The following ABI1 variants were observed in gnomAD, a reference collection of about 807,000 sequenced individuals.
The protein encoded by ABI1 is abl interactor 1.
Under a neutral mutation model 54.6 loss-of-function variants are expected in ABI1, and 14 were observed. That is an observed-to-expected ratio of 0.26 (90% CI 0.17 to 0.40). The LOEUF (loss-of-function observed/expected upper bound fraction) is 0.40, where lower values mean the gene tolerates loss of function less well. Ranked by LOEUF, ABI1 falls within the 10% of genes least tolerant of loss-of-function variation. The probability of loss-of-function intolerance (pLI) is 1.00; values close to 1 mark genes in which losing one functional copy is unlikely to be tolerated. For synonymous variants in ABI1, 194 were observed against 209.3 expected, an observed-to-expected ratio of 0.93 and a Z score of 0.63; for missense variants, 443 against 598.3, an observed-to-expected ratio of 0.74 and a Z score of 2.71.
intron 2 of ABI1, among the ~76,000 whole-genome samples, chr10:26,812,201 C>T (rs868457081): frequency 1.8e-4 from 27 of 152,270 alleles, no homozygotes; most frequent in African/African-American, 6.3e-4. Flanking sequence ...CAAAAAGCCC[C>T]TTCTGCCAGA....
intron 1 of ABI1, among the ~76,000 whole-genome samples, chr10:26,840,053 C>A (rs932073952): frequency 3.9e-5 from 6 of 151,984 alleles, no homozygotes; most frequent in African/African-American, 1.5e-4. Context: ...AGCAAAAGTA[C>A]CTTGTCCTTC....
At chr10:26,823,377 C>A in intron 1 of ABI1, 72 bp from the exon 2 acceptor site, 2 of 1,159,344 alleles carry the variant, frequency 1.7e-6, no homozygotes, top group Non-Finnish European at 2.3e-6. Context: ...TATAGAAAGG[C>A]AAAGTTATAT....
chr10:26,853,529 CTTTT>C (rs535088026), intron 1 of ABI1, among the ~76,000 whole-genome samples: 26,862 of 130,286 alleles, frequency 0.21, 2,318 homozygotes, highest in African/African-American at 0.3. Context: ...TTTTACCTTA[CTTTT>C]TTTTTTTTTT....
At chr10:26,806,311 AAAGTG>A (rs2046873311) in intron 2 of ABI1, among the ~76,000 whole-genome samples, 1 of 152,244 alleles carries the variant, frequency 6.6e-6, no homozygotes, top group South Asian at 2.1e-4. Context: ...TTGGAAACTG[AAAGTG>A]AAGTGGAGAT....
chr10:26,777,255 T>G lies in ABI1; in HGVS notation c.286-14A>C, dbSNP rs181326046. 1.0e-3 allele frequency: 1,590 copies of G among 1,588,106 alleles called. No homozygotes were observed. The highest frequency in any genetic ancestry group is 1.1e-3 in the Non-Finnish European group (1,247 of 1,166,586). ...AATATCCACAGTCTATATTTTAATT[T>G]GAACAAAACAAGAAAATATTATTTG... On this transcript the variant is annotated splice_polypyrimidine_tract_variant and intron_variant, in intron 2 of 10. Transcript: ENST00000376140.
At position 26,748,587 on chromosome 10, in the gene ABI1, T is replaced by C; in HGVS notation, c.1429A>G (p.Met477Val). 4 of 1,612,666 alleles carry C rather than the reference T, an allele frequency of 2.5e-6. No individual in the cohort carries two copies. Among genetic ancestry groups the C allele is most frequent in the African/African-American group, 1.3e-5 (1 of 74,988 alleles). Residue 477 changes from methionine (M) to valine (V), a missense_variant, in exon 11 of 11, where the codon ATG (methionine) becomes GTG (valine). Coordinates refer to ENST00000376140, the MANE Select transcript of ABI1 (RefSeq NM_001012750.3). ...AAAAAAAATTAATCAGTATAGTGCA[T>C]GATTGATTCAACATAGTTCCCAGGG... Reference protein sequence around the residue: ...LFPGNYVESIMHYTD With the variant: ...LFPGNYVESIVHYTD
intron 3 of ABI1, among the ~76,000 whole-genome samples, chr10:26,773,672 C>T (rs913233954): frequency 6.6e-6 from 1 of 152,166 alleles, no homozygotes; most frequent in Non-Finnish European, 1.5e-5. Context: ...ACGGCTCCAG[C>T]ATTCTGGGTT....
chr10:26,807,918 C>G (rs2133487255), intron 2 of ABI1, among the ~76,000 whole-genome samples: 1 of 152,036 alleles, frequency 6.6e-6, no homozygotes, highest in Admixed American at 6.5e-5. Context: ...ATGGTGAAAC[C>G]CCGCCTCTAT....
At chr10:26,858,020 A>G (rs1436049927) in intron 1 of ABI1, among the ~76,000 whole-genome samples, 1 of 152,206 alleles carries the variant, frequency 6.6e-6, no homozygotes, top group Non-Finnish European at 1.5e-5. Context: ...TTTCTCAGCT[A>G]CACACCTTAG....
chr10:26,856,340 C>G (rs148010283), intron 1 of ABI1, among the ~76,000 whole-genome samples: 1 of 141,148 alleles, frequency 7.1e-6, no homozygotes, highest in East Asian at 2.1e-4. Flanking sequence ...TCGAGAAAAT[C>G]TGGGTTTGAT....
chr10:26,815,224 T>C (rs187788294), intron 2 of ABI1, among the ~76,000 whole-genome samples: 1 of 152,172 alleles, frequency 6.6e-6, no homozygotes, highest in Non-Finnish European at 1.5e-5. Flanking sequence ...CCTGTTTTTA[T>C]GTAAATTTAG....
At chr10:26,820,208 G>T (rs192735211) in intron 2 of ABI1, among the ~76,000 whole-genome samples, 76 of 152,264 alleles carry the variant, frequency 5.0e-4, no homozygotes, top group African/African-American at 1.8e-3. Flanking sequence ...AAAAAAAGTA[G>T]CTGTGTGAGG....
intron 1 of ABI1, among the ~76,000 whole-genome samples, chr10:26,847,746 C>G (rs554441651): frequency 1.3e-5 from 2 of 152,046 alleles, no homozygotes; most frequent in East Asian, 3.9e-4. Flanking sequence ...AAATGCAAAG[C>G]CTTTTTTCAT....
chr10:26,822,131 C>T (rs2048021797), intron 2 of ABI1, among the ~76,000 whole-genome samples: 1 of 152,080 alleles, frequency 6.6e-6, no homozygotes, highest in South Asian at 2.1e-4. Context: ...AATACACACA[C>T]AAACCAATGT....
chr10:26,841,183 T>C (rs1345759411), intron 1 of ABI1, among the ~76,000 whole-genome samples: 2 of 152,212 alleles, frequency 1.3e-5, no homozygotes, highest in Non-Finnish European at 2.9e-5. Flanking sequence ...TGCCCACTCT[T>C]GCTCTAGAAA....
intron 1 of ABI1, among the ~76,000 whole-genome samples, chr10:26,829,382 G>T (rs938628334): frequency 6.6e-6 from 1 of 152,074 alleles, no homozygotes; most frequent in Non-Finnish European, 1.5e-5. Context: ...AACAGGCTGT[G>T]TATCAAAAGG....
chr10:26,809,671 C>G (rs1036304849), intron 2 of ABI1, among the ~76,000 whole-genome samples: 4 of 152,118 alleles, frequency 2.6e-5, no homozygotes, highest in African/African-American at 9.7e-5. Context: ...TACCTGACAA[C>G]AATTCATTAA....
At chr10:26,774,155 T>TA (rs1841087711) in intron 3 of ABI1, among the ~76,000 whole-genome samples, 1 of 152,214 alleles carries the variant, frequency 6.6e-6, no homozygotes, top group African/African-American at 2.4e-5. Context: ...ATCTCTCAAT[T>TA]ACTTATAATA....
chr10:26,842,324 T>C (rs1564571718), intron 1 of ABI1, among the ~76,000 whole-genome samples: 1 of 152,266 alleles, frequency 6.6e-6, no homozygotes, highest in African/African-American at 2.4e-5. Flanking sequence ...ATTTTAGATA[T>C]TAATCCCTTA....
Sources: allele counts gnomAD v4.1 joint callset (sites outside exome capture counted in the v4.1 genomes callset), GRCh38; gene constraint gnomAD v4.1.1; transcripts MANE v1.5; gene names NCBI Gene and HGNC (gene_info 2026-07-23, HGNC 2026-07-21).